BLNK: variants seen among roughly 807,000 people sequenced by gnomAD.
BLNK encodes the protein B cell linker, also known as B-cell linker protein.
BLNK carries 29 observed loss-of-function variants against 73.5 expected under a neutral mutation model. The ratio of observed to expected loss-of-function variants is 0.39; its 90% CI spans 0.29 to 0.54. BLNK has a LOEUF of 0.54. Ranked by LOEUF, BLNK falls within the 20% of genes least tolerant of loss-of-function variation. The probability of loss-of-function intolerance (pLI) is 0.61; values close to 1 mark genes in which losing one functional copy is unlikely to be tolerated. For missense variants in BLNK, 460 were observed against 562.8 expected (o/e 0.82, Z 1.85); for synonymous variants, 176 against 200.8 (o/e 0.88, Z 1.04).
chr10:96,253,146 A>G (rs1554909704), intron 1 of BLNK, among the ~76,000 whole-genome samples: 1 of 152,180 alleles, frequency 6.6e-6, no homozygotes. Flanking sequence ...ATTTTACACA[A>G]CTAAGATCAC....
chr10:96,213,264 A>C (rs1554899063), intron 8 of BLNK, among the ~76,000 whole-genome samples: 1 of 152,236 alleles, frequency 6.6e-6, no homozygotes, highest in Non-Finnish European at 1.5e-5. Context: ...TGTGCAGGGC[A>C]CTAGAGGGAT....
At chr10:96,198,267 A>AG (rs2083526776) in intron 15 of BLNK, among the ~76,000 whole-genome samples, 1 of 152,204 alleles carries the variant, frequency 6.6e-6, no homozygotes, top group African/African-American at 2.4e-5. Context: ...CAGTGATGGG[A>AG]GAAAAAATGA....
chr10:96,201,756 A>ATTCT (rs1293011723), intron 13 of BLNK, among the ~76,000 whole-genome samples: 88 of 152,154 alleles, frequency 5.8e-4, no homozygotes, highest in Admixed American at 1.1e-3. Context: ...TCATTCATTC[A>ATTCT]TTCATTCATT....
At chr10:96,260,895 G>A (rs2861307) in intron 1 of BLNK, among the ~76,000 whole-genome samples, 29,495 of 151,794 alleles carry the variant, frequency 0.19, 3,679 homozygotes, top group Non-Finnish European at 0.28. Flanking sequence ...CCAGGCTGGG[G>A]TATAGTGGCG....
intron 5 of BLNK, 77 bp from the exon 6 acceptor site, chr10:96,224,066 G>C: frequency 6.4e-7 from 1 of 1,564,684 alleles, no homozygotes. Flanking sequence ...TTGAGATCCA[G>C]AAAGTATAAA....
chr10:96,228,708 T>C (rs1018801624), intron 4 of BLNK, among the ~76,000 whole-genome samples: 1 of 152,260 alleles, frequency 6.6e-6, no homozygotes, highest in African/African-American at 2.4e-5. Flanking sequence ...ACTAGGTTTC[T>C]TGTGCATGTT....
intron 3 of BLNK, among the ~76,000 whole-genome samples, chr10:96,233,688 T>C (rs781910368): frequency 3.3e-5 from 5 of 152,218 alleles, no homozygotes; most frequent in Non-Finnish European, 5.9e-5. Context: ...CTTGTCATAA[T>C]CAATCACTTC....
rs1243143383 is a variant in BLNK at position 96,215,347 on chromosome 10, G to T, written c.650C>A (p.Pro217His). ...TGAAGCTGTTCCTGGAGGAGAGGCG[G>T]GCGTTGAGGAATTTGGCTTGGTTGA... ...NRSTKPNSSTPASPPGTASGR... is the reference protein window; with the variant it reads ...NRSTKPNSSTHASPPGTASGR... Residue 217 changes from proline (P) to histidine (H), a missense_variant, in exon 8 of 17, where the codon CCC becomes CAC. Pro to His is a moderately conservative substitution (Grantham distance 77). Transcript: ENST00000224337. The T allele has an allele frequency of 6.2e-7, 1 of 1,614,068 alleles. No homozygotes were observed.
Position 96,191,235 on chromosome 10 carries a change from CTTTTTTTT to C in BLNK, c.*730_*737del, listed in dbSNP as rs34920263. ...GTGGAACTGTGAGTCCATTAAACCT[CTTTTTTTT>C]TTTTTTTTTTTATGTAAATCACCCA... On this transcript the variant is annotated 3_prime_UTR_variant, in exon 17 of 17. Transcript: ENST00000224337. 3.8e-5 allele frequency among the ~76,000 whole-genome samples: 5 copies of C among 130,268 alleles called. No individual in the cohort carries two copies. The highest frequency in any genetic ancestry group is 8.0e-5 in the Non-Finnish European group (5 of 62,766). 85.5% of individuals were successfully genotyped at this position (130,268 alleles called of 152,430 possible).
intron 1 of BLNK, among the ~76,000 whole-genome samples, chr10:96,264,438 C>T (rs1038881340): frequency 6.6e-6 from 1 of 152,232 alleles, no homozygotes; most frequent in Admixed American, 6.5e-5. Flanking sequence ...GAGCCTTGAG[C>T]ATCTGACATT....
intron 1 of BLNK, among the ~76,000 whole-genome samples, chr10:96,263,627 G>A (rs1023672539): frequency 1.3e-5 from 2 of 152,200 alleles, no homozygotes; most frequent in African/African-American, 4.8e-5. Context: ...GAAGGGAGGT[G>A]AAGGCAGGAC....
intron 4 of BLNK, among the ~76,000 whole-genome samples, chr10:96,228,215 C>G (rs770815938): frequency 1.5e-4 from 23 of 151,762 alleles, no homozygotes; most frequent in Non-Finnish European, 2.4e-4. Context: ...TTCTCCTGCC[C>G]TAGTCTCCCA....
At chr10:96,223,488 A>G (rs1406883151) in intron 6 of BLNK, among the ~76,000 whole-genome samples, 4 of 152,178 alleles carry the variant, frequency 2.6e-5, no homozygotes, top group African/African-American at 9.7e-5. Flanking sequence ...TGCTGTCAGT[A>G]ACAACAGGAC....
chr10:96,207,745 G>C (rs782663015), intron 10 of BLNK, 127 bp downstream of exon 10: 13 of 1,133,890 alleles, frequency 1.1e-5, no homozygotes, highest in Non-Finnish European at 1.7e-5. Context: ...GGACTGCTTG[G>C]GCAGCAACTT....
intron 2 of BLNK, among the ~76,000 whole-genome samples, chr10:96,243,661 G>A (rs1842945673): frequency 1.3e-5 from 2 of 152,170 alleles, no homozygotes; most frequent in Non-Finnish European, 2.9e-5. Flanking sequence ...CTTTACTAAA[G>A]TAAAGGTGCT....
At chr10:96,209,695 T>C (rs1310738190) in intron 9 of BLNK, 143 bp downstream of exon 9, 1 of 1,038,502 alleles carries the variant, frequency 9.6e-7, no homozygotes, top group African/African-American at 1.6e-5. Flanking sequence ...GCCTGGCTCA[T>C]TTGATGTTAG....
intron 1 of BLNK, among the ~76,000 whole-genome samples, chr10:96,267,295 A>G (rs1844047050): frequency 6.6e-6 from 1 of 152,190 alleles, no homozygotes; most frequent in Non-Finnish European, 1.5e-5. Flanking sequence ...AGAAAAGGAA[A>G]GAAAAGCCAT....
chr10:96,247,016 GT>G lies in BLNK; in HGVS notation c.80del (p.Asn27ThrfsTer6). 1.9e-6 allele frequency: 3 copies of G among 1,607,516 alleles called. No individual in the cohort carries two copies. The highest frequency in any genetic ancestry group is 2.2e-5 in the South Asian group (2 of 89,690). On this transcript the variant is annotated frameshift_variant, in exon 2 of 17. Coordinates refer to ENST00000224337, the MANE Select transcript of BLNK (RefSeq NM_013314.4). LOFTEE classifies it high-confidence loss of function. The part of the protein sequence containing the change: ...QLQKMVHDIK[N>X]NEGGIMNKIK... ...TTTTATTCATTATTCCACCTTCATT[GT>G]TTTTAATATCATGGACCATCTTTTG...
chr10:96,213,413 G>C (rs1265912688), intron 8 of BLNK, among the ~76,000 whole-genome samples: 1 of 152,250 alleles, frequency 6.6e-6, no homozygotes, highest in African/African-American at 2.4e-5. Context: ...CTAAGTGTAA[G>C]GGGGAAGAGA....
Sources: allele counts gnomAD v4.1 joint callset (sites outside exome capture counted in the v4.1 genomes callset), GRCh38; gene constraint gnomAD v4.1.1; transcripts MANE v1.5; gene names NCBI Gene and HGNC (gene_info 2026-07-23, HGNC 2026-07-21).